The following MECOM variants were observed in gnomAD, a reference collection of about 807,000 sequenced individuals.
The protein encoded by MECOM is histone-lysine N-methyltransferase MECOM.
In MECOM, 13 loss-of-function variants were observed where a neutral mutation model predicts 116.3. The ratio of observed to expected loss-of-function variants is 0.11; its 90% confidence interval spans 0.07 to 0.18. The LOEUF (loss-of-function observed/expected upper bound fraction) is 0.18, where lower values mean the gene tolerates loss of function less well. MECOM is among the 10% of genes least tolerant of loss of function. MECOM has a pLI of 1.00. For missense variants in MECOM, 1,299 were observed against 1,509.0 expected, an observed-to-expected ratio of 0.86 and a Z score of 2.31; for synonymous variants, 528 against 535.2, an observed-to-expected ratio of 0.99 and a Z score of 0.19.
chr3:169,288,610 G>A (rs763330074), intron 2 of MECOM, among the ~76,000 whole-genome samples: 7 of 152,072 alleles, frequency 4.6e-5, no homozygotes, highest in Non-Finnish European at 1.0e-4. Context: ...TCACATTCAC[G>A]CTTATTGGGG....
chr3:169,473,495 G>C (rs537519556), intron 1 of MECOM, among the ~76,000 whole-genome samples: 1 of 152,206 alleles, frequency 6.6e-6, no homozygotes. Flanking sequence ...ATACGGCAGG[G>C]CGTGGTGGCT....
chr3:169,489,121 G>A (rs1472684353), intron 1 of MECOM, among the ~76,000 whole-genome samples: 1 of 151,996 alleles, frequency 6.6e-6, no homozygotes, highest in Admixed American at 6.6e-5. Context: ...CAATAAATTT[G>A]AAAACCCAGA....
intron 2 of MECOM, among the ~76,000 whole-genome samples, chr3:169,379,510 G>A (rs1195866949): frequency 7.4e-6 from 1 of 135,276 alleles, no homozygotes; most frequent in East Asian, 2.6e-4. Flanking sequence ...ATTTGCCAGT[G>A]TATATGTGGA....
intron 14 of MECOM, among the ~76,000 whole-genome samples, chr3:169,091,272 T>C (rs1719632111): frequency 6.6e-6 from 1 of 152,134 alleles, no homozygotes; most frequent in Non-Finnish European, 1.5e-5. Context: ...TAAGAAAATC[T>C]ATTTGTTAAT....
chr3:169,330,052 G>A lies in MECOM; in HGVS notation c.375+51135C>T, dbSNP rs931628844. 3.3e-5 allele frequency among the ~76,000 whole-genome samples: 5 copies of A among 152,180 alleles called. No homozygotes were observed. The South Asian group carries it at 8.3e-4, about 25-fold the overall frequency. ...GGATTTTTATTTTTTTTTAGGTGGGGTTTCTCTCTGTTGCACAGGCTGGAG... is the reference window on the plus strand; with the variant it reads ...GGATTTTTATTTTTTTTTAGGTGGGATTTCTCTCTGTTGCACAGGCTGGAG... On this transcript the variant is annotated intron_variant, in intron 2 of 16. Coordinates refer to ENST00000651503, the MANE Select transcript of MECOM (RefSeq NM_004991.4).
At chr3:169,452,103 G>A (rs1410263698) in intron 1 of MECOM, among the ~76,000 whole-genome samples, 2 of 151,792 alleles carry the variant, frequency 1.3e-5, no homozygotes, top group Non-Finnish European at 2.9e-5. Flanking sequence ...ACTTTGAATG[G>A]ATCAAATCTT....
At chr3:169,288,007 T>C (rs145424716) in intron 2 of MECOM, among the ~76,000 whole-genome samples, 263 of 152,284 alleles carry the variant, frequency 1.7e-3, no homozygotes, top group African/African-American at 6.1e-3. Flanking sequence ...TATTCAACAG[T>C]GTAAGCAGGT....
chr3:169,420,891 A>G (rs550065459), intron 1 of MECOM, among the ~76,000 whole-genome samples: 1 of 152,302 alleles, frequency 6.6e-6, no homozygotes, highest in East Asian at 1.9e-4. Flanking sequence ...TAACTAAAAT[A>G]AAGTGTATTT....
At chr3:169,231,730 A>ACTTC (rs1219638972) in intron 2 of MECOM, among the ~76,000 whole-genome samples, 1 of 152,028 alleles carries the variant, frequency 6.6e-6, no homozygotes, top group African/African-American at 2.4e-5. Context: ...GAGTGAGGGG[A>ACTTC]ATATCAGGAG....
intron 2 of MECOM, among the ~76,000 whole-genome samples, chr3:169,157,682 A>C (rs1040117864): frequency 3.9e-5 from 6 of 152,218 alleles, no homozygotes; most frequent in African/African-American, 1.4e-4. Context: ...TAGCCTGTCT[A>C]TAGAATCCAG....
chr3:169,621,901 T>C (rs1212775765), intron 1 of MECOM, among the ~76,000 whole-genome samples: 3 of 152,120 alleles, frequency 2.0e-5, no homozygotes, highest in Non-Finnish European at 2.9e-5. Flanking sequence ...CCTGCATCAT[T>C]GACAGGAGAG....
intron 1 of MECOM, among the ~76,000 whole-genome samples, chr3:169,441,744 T>TTTTTTTTTTTTTTTTTTTTTTTTTTTGAG (rs1237906532): frequency 7.0e-6 from 1 of 142,020 alleles, no homozygotes; most frequent in Admixed American, 7.2e-5. Flanking sequence ...TTTTTTTTTT[T>TTTTTTTTTTTTTTTTTTTTTTTTTTTGAG]AAAAAAGGGG....
chr3:169,308,285 T>C (rs964128068), intron 2 of MECOM, among the ~76,000 whole-genome samples: 2 of 152,204 alleles, frequency 1.3e-5, no homozygotes, highest in African/African-American at 2.4e-5. Context: ...CTAAAGTGAA[T>C]CAATTAACAC....
In MECOM at chr3:169,143,743, G is replaced by A; in HGVS notation, c.465C>T (p.Gly155=). ...CAACAAGGTTGTGCTGATCATAACA[G>A]CCAGCGAATCTAATGTACTTGAGCC... ...GSWLKYIRFA[G]CYDQHNLVAC... is the part of the protein sequence containing the mutation. Residue 155 remains glycine (G), a synonymous_variant, in exon 3 of 17, where the codon GGC becomes GGT. Coordinates refer to ENST00000651503, the MANE Select transcript of MECOM (RefSeq NM_004991.4). 1.9e-6 allele frequency: 3 copies of A among 1,611,460 alleles called. No individual in the cohort carries two copies. The highest frequency in any genetic ancestry group is 2.5e-6 in the Non-Finnish European group (3 of 1,178,758).
intron 1 of MECOM, among the ~76,000 whole-genome samples, chr3:169,537,718 TA>T (rs144260368): frequency 0.11 from 16,074 of 142,520 alleles, 2,011 homozygotes; most frequent in African/African-American, 0.33. Context: ...GCAGAACATT[TA>T]AAAAAAAAAA....
intron 1 of MECOM, among the ~76,000 whole-genome samples, chr3:169,662,498 C>G (rs1373544731): frequency 6.6e-6 from 1 of 152,144 alleles, no homozygotes; most frequent in Non-Finnish European, 1.5e-5. Context: ...TCCCCACGTC[C>G]GAGCGCTCGC....
rs532179010 is a variant in MECOM, at chr3:169,658,968, A to G, written c.37+4368T>C. On this transcript the variant is annotated intron_variant, in intron 1 of 16. Transcript: ENST00000651503. ...TCCCCCCTTCCTGCCCCAGGTCACA[A>G]CTGCAGCCTCGGATAACCTGGCCCC... 2.1e-3 allele frequency among the ~76,000 whole-genome samples: 325 copies of G among 151,988 alleles called. 1 individual carries two copies. The highest frequency in any genetic ancestry group is 7.2e-3 in the African/African-American group (299 of 41,438).
At chr3:169,165,930 C>G (rs1743524742) in intron 2 of MECOM, among the ~76,000 whole-genome samples, 1 of 152,016 alleles carries the variant, frequency 6.6e-6, no homozygotes, top group Admixed American at 6.6e-5. Context: ...AACATTTGGT[C>G]TTTTTTTCAG....
At chr3:169,142,279 C>G (rs1439996393) in intron 3 of MECOM, among the ~76,000 whole-genome samples, 1 of 151,860 alleles carries the variant, frequency 6.6e-6, no homozygotes, top group Non-Finnish European at 1.5e-5. Context: ...AAGGAAATAG[C>G]TTCCATTGTC....
Sources: gnomAD v4.1 joint callset for allele counts (sites outside exome capture counted in the v4.1 genomes callset) on GRCh38, gnomAD v4.1.1 for gene constraint, MANE v1.5 for transcripts, NCBI Gene and HGNC (gene_info 2026-07-23, HGNC 2026-07-21) for gene names.